MUCL1: variants seen among roughly 807,000 people sequenced by gnomAD.
MUCL1 encodes mucin-like protein 1.
MUCL1 carries 11 observed loss-of-function variants against 9.2 expected under a neutral mutation model. The ratio of observed to expected loss-of-function variants is 1.19; its 90% confidence interval spans 0.75 to 1.97. MUCL1 has a LOEUF of 1.97. MUCL1 is among the 30% of genes most tolerant of loss of function. The pLI is 0.00. For synonymous variants in MUCL1, 48 were observed against 40.5 expected (o/e 1.19, Z -0.71); for missense variants, 144 against 110.9 (o/e 1.30, Z -1.34).
upstream of MUCL1, among the ~76,000 whole-genome samples, chr12:54,837,908 A>G (rs1017597519): frequency 6.6e-6 from 1 of 152,274 alleles, no homozygotes; most frequent in Non-Finnish European, 1.5e-5. Flanking sequence ...TAGACCATTT[A>G]CATTCAGTTA....
chr12:54,840,543 T>G (rs1465684615), intron 1 of MUCL1, among the ~76,000 whole-genome samples: 1 of 152,180 alleles, frequency 6.6e-6, no homozygotes, highest in Admixed American at 6.5e-5. Flanking sequence ...AGGGAGGTAC[T>G]CTAGTGCCTC....
intron 1 of MUCL1, among the ~76,000 whole-genome samples, chr12:54,846,577 T>C (rs1959259720): frequency 6.6e-6 from 1 of 152,106 alleles, no homozygotes; most frequent in South Asian, 2.1e-4. Flanking sequence ...AATGAGTATA[T>C]AGCAGTGAGT....
Position 54,856,669 on chromosome 12 carries a change from G to A in MUCL1, c.101-101G>A. 6 of 1,456,680 alleles carry A rather than the reference G, an allele frequency of 4.1e-6. No individual in the cohort carries two copies. The South Asian group carries it at 7.7e-5, about 19-fold the overall frequency. 90.2% of individuals were successfully genotyped at this position (1,456,680 alleles called of 1,614,324 possible). Reference sequence around the variant, plus strand: ...AGACAGAACTGATGACAGATTTGCAGAGATGAATTCAGGATGAGGAATGTA... The same window carrying A: ...AGACAGAACTGATGACAGATTTGCAAAGATGAATTCAGGATGAGGAATGTA... On this transcript the variant is annotated intron_variant, in intron 2 of 3. Coordinates refer to ENST00000308796, the MANE Select transcript of MUCL1 (RefSeq NM_058173.3).
At chr12:54,835,590 A>G (rs1394893742), upstream of MUCL1, among the ~76,000 whole-genome samples, 1 of 125,440 alleles carries the variant, frequency 8.0e-6, no homozygotes, top group African/African-American at 3.0e-5. Flanking sequence ...TCACGTGTCC[A>G]CTTTTTGATG....
upstream of MUCL1, among the ~76,000 whole-genome samples, chr12:54,836,316 A>C (rs958305285): frequency 6.6e-6 from 1 of 152,118 alleles, no homozygotes; most frequent in African/African-American, 2.4e-5. Context: ...TCCTGATTCA[A>C]ATTAGGAGGG....
chr12:54,845,990 T>C (rs1959248005), intron 1 of MUCL1, among the ~76,000 whole-genome samples: 2 of 152,172 alleles, frequency 1.3e-5, no homozygotes, highest in African/African-American at 4.8e-5. Flanking sequence ...GTTTCCTTTA[T>C]TCTGCAAAAA....
chr12:54,836,112 A>T (rs1959192737), upstream of MUCL1, among the ~76,000 whole-genome samples: 1 of 152,134 alleles, frequency 6.6e-6, no homozygotes, highest in Non-Finnish European at 1.5e-5. Flanking sequence ...TGAGTTAGGG[A>T]GGATTGCCTC....
At chr12:54,849,625 A>G (rs1378066), upstream of MUCL1, among the ~76,000 whole-genome samples, 68,441 of 151,708 alleles carry the variant, frequency 0.45, 16,442 homozygotes, top group East Asian at 0.84. Flanking sequence ...TTTTATATAG[A>G]ATATATTGCA....
At chr12:54,844,422 A>T (rs1959231764) in intron 1 of MUCL1, among the ~76,000 whole-genome samples, 1 of 152,156 alleles carries the variant, frequency 6.6e-6, no homozygotes, top group Non-Finnish European at 1.5e-5. Flanking sequence ...CATGACACAC[A>T]TTTATAAAAT....
At chr12:54,840,826 C>A (rs1488509856) in intron 1 of MUCL1, among the ~76,000 whole-genome samples, 1 of 152,100 alleles carries the variant, frequency 6.6e-6, no homozygotes, top group Non-Finnish European at 1.5e-5. Context: ...TAAACCCCAC[C>A]CAGCTCCCAC....
chr12:54,831,299 A>C (rs552255967), intron 1 of MUCL1, among the ~76,000 whole-genome samples: 2 of 152,306 alleles, frequency 1.3e-5, no homozygotes, highest in Non-Finnish European at 2.9e-5. Context: ...ATATAAATTA[A>C]ATATTCCTAA....
rs75347206 is a variant in MUCL1, at chr12:54,848,178, T to A, written c.44-6938T>A. Among the ~76,000 whole-genome samples the A allele has an allele frequency of 1.2e-3, 177 of 152,118 alleles. 1 individual carries two copies. The East Asian group carries it at 0.022, about 19-fold the overall frequency. ...CTTCCAATTTCTCTGTGGTATATGG[T>A]GAGGAGTGAGGAGTCTGGTTTTGGA... is the stretch of plus-strand genomic sequence containing the variant. On this transcript the variant is annotated intron_variant, in intron 1 of 3. Transcript: ENST00000546809.
At chr12:54,851,635 C>T (rs1236774970), upstream of MUCL1, among the ~76,000 whole-genome samples, 8 of 152,098 alleles carry the variant, frequency 5.3e-5, no homozygotes, top group South Asian at 4.1e-4. Context: ...TCCTATTCAA[C>T]GTAGTGTTGG....
intron 1 of MUCL1, among the ~76,000 whole-genome samples, chr12:54,833,036 G>A (rs1959187427): frequency 6.6e-6 from 1 of 152,026 alleles, no homozygotes; most frequent in African/African-American, 2.4e-5. Context: ...TCCTGTACCA[G>A]TACAGCACTA....
rs895332260 is a variant in MUCL1 at position 54,854,553 on chromosome 12, T to C, written c.-30T>C. 1.9e-6 allele frequency: 3 copies of C among 1,601,404 alleles called. No homozygotes were observed. Among genetic ancestry groups the C allele is most frequent in the South Asian group, 1.1e-5 (1 of 89,864 alleles). ...TCTCTTAGGCTTTGAAGCATTTTTGTCTGTGCTCCCTGATCTTCAGGTCAC... is the reference window on the plus strand; with the variant it reads ...TCTCTTAGGCTTTGAAGCATTTTTGCCTGTGCTCCCTGATCTTCAGGTCAC... On this transcript the variant is annotated 5_prime_UTR_variant, in exon 1 of 4. Transcript: ENST00000308796.
At chr12:54,836,588 G>A (rs958273249), upstream of MUCL1, among the ~76,000 whole-genome samples, 2 of 151,918 alleles carry the variant, frequency 1.3e-5, no homozygotes, top group Non-Finnish European at 2.9e-5. Context: ...ATTCAGTTCT[G>A]TTCTGATCTT....
intron 1 of MUCL1, among the ~76,000 whole-genome samples, chr12:54,841,183 T>G (rs1332556720): frequency 6.6e-6 from 1 of 152,230 alleles, no homozygotes; most frequent in Admixed American, 6.5e-5. Flanking sequence ...TCTTTTAGCC[T>G]AAATAATACA....
rs573797081 is a variant in MUCL1 at position 54,843,092 on chromosome 12, G to A, written c.43+3645G>A. Among the ~76,000 whole-genome samples the A allele has an allele frequency of 9.2e-5, 14 of 152,206 alleles. No homozygotes were observed. In the South Asian group the frequency reaches 2.1e-3, roughly 23 times the overall value. Reference sequence around the variant, plus strand: ...GTATGTACTAGGTTATAACATCTACGTTTGTGTAAGTACACCCTGGGATGT... The same window carrying A: ...GTATGTACTAGGTTATAACATCTACATTTGTGTAAGTACACCCTGGGATGT... On this transcript the variant is annotated intron_variant, in intron 1 of 3. Coordinates refer to the MUCL1 transcript ENST00000546809.
chr12:54,844,803 T>C (rs1244636049), intron 1 of MUCL1, among the ~76,000 whole-genome samples: 2 of 152,248 alleles, frequency 1.3e-5, no homozygotes, highest in Non-Finnish European at 2.9e-5. Flanking sequence ...ACATGTTTTA[T>C]GTTTTTGTTA....
Sources: gnomAD v4.1 joint callset for allele counts (sites outside exome capture counted in the v4.1 genomes callset) on GRCh38, gnomAD v4.1.1 for gene constraint, MANE v1.5 for transcripts, NCBI Gene and HGNC (gene_info 2026-07-23, HGNC 2026-07-21) for gene names.